ARHGEF3: variants seen among roughly 807,000 people sequenced by gnomAD.
ARHGEF3 encodes the protein 59.8 kDA protein.
ARHGEF3 carries 28 observed loss-of-function variants against 63.2 expected under a neutral mutation model. The ratio of observed to expected loss-of-function variants is 0.44; its 90% CI spans 0.33 to 0.61. ARHGEF3 has a LOEUF of 0.61. Among genes scored for constraint, ARHGEF3 ranks in the 20% least tolerant of loss-of-function variants. ARHGEF3 has a pLI of 0.03. For synonymous variants in ARHGEF3, 266 were observed against 254.2 expected (o/e 1.05, Z -0.44); for missense variants, 533 against 659.3 (o/e 0.81, Z 2.10).
chr3:57,072,409 T>C (rs980455926), intron 1 of ARHGEF3, among the ~76,000 whole-genome samples: 2 of 150,710 alleles, frequency 1.3e-5, no homozygotes, highest in African/African-American at 4.9e-5. Flanking sequence ...GGGAAAACAT[T>C]AGTTGTTAGC....
At chr3:56,929,834 A>T (rs566234087) in intron 3 of ARHGEF3, among the ~76,000 whole-genome samples, 2 of 150,864 alleles carry the variant, frequency 1.3e-5, no homozygotes, top group Admixed American at 6.6e-5. Flanking sequence ...TGTAGATGCT[A>T]TTAACTGAGG....
At chr3:56,932,225 G>T (rs1424980031) in intron 3 of ARHGEF3, among the ~76,000 whole-genome samples, 1 of 152,012 alleles carries the variant, frequency 6.6e-6, no homozygotes, top group East Asian at 1.9e-4. Flanking sequence ...TATGACTTCA[G>T]CTTTTTGTTC....
rs141701739 is a variant in ARHGEF3, at chr3:56,767,999, C to T, written c.204+5710G>A. Among the ~76,000 whole-genome samples, 2,075 of 152,052 alleles carry T rather than the reference C, an allele frequency of 0.014. 200 individuals are homozygous for T. The East Asian group carries it at 0.26, about 19-fold the overall frequency. On this transcript the variant is annotated intron_variant, in intron 2 of 9. Transcript: ENST00000296315. ...CTGACCTCAAGCGATCCACCTGCCC[C>T]GGCTTCCCAAAGTGCTGGGATTACA... is the stretch of plus-strand genomic sequence containing the variant.
At chr3:56,962,586 G>A (rs1700328282) in intron 2 of ARHGEF3, among the ~76,000 whole-genome samples, 1 of 152,222 alleles carries the variant, frequency 6.6e-6, no homozygotes, top group South Asian at 2.1e-4. Context: ...GGGATTCACA[G>A]GAAAGCCAGG....
At chr3:56,771,699 T>C (rs987900145) in intron 2 of ARHGEF3, among the ~76,000 whole-genome samples, 1 of 152,144 alleles carries the variant, frequency 6.6e-6, no homozygotes, top group Non-Finnish European at 1.5e-5. Flanking sequence ...TAATGCCTGA[T>C]GAGGATTCAC....
intron 4 of ARHGEF3, among the ~76,000 whole-genome samples, chr3:56,857,242 C>G (rs1049050942): frequency 1.3e-5 from 2 of 152,130 alleles, no homozygotes; most frequent in Admixed American, 1.3e-4. Flanking sequence ...GCCTTCCTAA[C>G]GTTGATTTCC....
chr3:56,867,539 C>T (rs2040294659), intron 4 of ARHGEF3, among the ~76,000 whole-genome samples: 1 of 152,096 alleles, frequency 6.6e-6, no homozygotes, highest in South Asian at 2.1e-4. Context: ...GTGGAGAAAT[C>T]ATGGCTCACT....
intron 6 of ARHGEF3, among the ~76,000 whole-genome samples, chr3:56,749,208 G>C (rs1178994567): frequency 1.3e-5 from 2 of 152,110 alleles, no homozygotes; most frequent in African/African-American, 4.8e-5. Context: ...CAAGATCCAA[G>C]TCCTCATTTG....
chr3:56,985,913 C>T (rs1701518595), intron 2 of ARHGEF3, among the ~76,000 whole-genome samples: 2 of 152,198 alleles, frequency 1.3e-5, no homozygotes, highest in Admixed American at 1.3e-4. Flanking sequence ...TCACCAGGGA[C>T]ACTCAGGGAG....
intron 2 of ARHGEF3, among the ~76,000 whole-genome samples, chr3:56,974,667 C>A (rs2106868611): frequency 6.6e-6 from 1 of 152,232 alleles, no homozygotes; most frequent in East Asian, 1.9e-4. Flanking sequence ...CCTCTCCCCT[C>A]CCCCTGCCCC....
In ARHGEF3 at chr3:56,882,337, GCT is replaced by G; in HGVS notation, c.145_146del (p.Ser49HisfsTer4). On this transcript the variant is annotated frameshift_variant, in exon 4 of 13. Coordinates refer to the ARHGEF3 transcript ENST00000338458. LOFTEE classifies it high-confidence loss of function. ...GGCTAACAGCATCTTCATCTTGGGT[GCT>G]CTGTTTCCGTTTTCGCTGCAAAACA... The G allele has an allele frequency of 2.6e-6, 4 of 1,551,748 alleles. No individual in the cohort carries two copies.
chr3:56,858,653 A>G (rs2039965844), intron 4 of ARHGEF3, among the ~76,000 whole-genome samples: 1 of 152,240 alleles, frequency 6.6e-6, no homozygotes, highest in Non-Finnish European at 1.5e-5. Flanking sequence ...GTTACCAGGA[A>G]TGGCCTTTGC....
At chr3:56,848,668 T>C (rs1010149649) in intron 4 of ARHGEF3, among the ~76,000 whole-genome samples, 2 of 152,148 alleles carry the variant, frequency 1.3e-5, no homozygotes, top group African/African-American at 4.8e-5. Context: ...TAAGACTTTA[T>C]TTGTTTATTT....
intron 2 of ARHGEF3, among the ~76,000 whole-genome samples, chr3:57,027,041 T>A (rs1442503022): frequency 6.6e-6 from 1 of 152,220 alleles, no homozygotes; most frequent in Non-Finnish European, 1.5e-5. Flanking sequence ...GCATGCATTC[T>A]GAGACCTCCT....
upstream of ARHGEF3, among the ~76,000 whole-genome samples, chr3:56,802,213 G>A (rs1274903351): frequency 2.0e-5 from 3 of 152,194 alleles, no homozygotes; most frequent in African/African-American, 7.2e-5. Flanking sequence ...AGCTCCTTTC[G>A]GGCTCTTTGG....
chr3:56,969,498 C>T (rs1024809717), intron 2 of ARHGEF3, among the ~76,000 whole-genome samples: 5 of 151,936 alleles, frequency 3.3e-5, no homozygotes, highest in East Asian at 1.9e-4. Flanking sequence ...AAGGGCCGGG[C>T]GCGGTGGCTC....
intron 2 of ARHGEF3, among the ~76,000 whole-genome samples, chr3:57,005,874 G>A (rs573057755): frequency 6.6e-5 from 10 of 152,330 alleles, no homozygotes; most frequent in East Asian, 1.9e-4. Context: ...TTTGCCAAAC[G>A]CTTTCTAGTG....
At chr3:56,758,709 A>G (rs1471146815) in intron 2 of ARHGEF3, among the ~76,000 whole-genome samples, 2 of 152,174 alleles carry the variant, frequency 1.3e-5, no homozygotes, top group African/African-American at 4.8e-5. Context: ...TGATCTCTTA[A>G]AAACAGTCCC....
chr3:57,038,789 C>T (rs1704063037), intron 1 of ARHGEF3, among the ~76,000 whole-genome samples: 1 of 152,206 alleles, frequency 6.6e-6, no homozygotes, highest in Non-Finnish European at 1.5e-5. Context: ...GACTCAGTGC[C>T]TCCTATTTAT....
Sources: allele counts gnomAD v4.1 joint callset (sites outside exome capture counted in the v4.1 genomes callset), GRCh38; gene constraint gnomAD v4.1.1; transcripts MANE v1.5; gene names NCBI Gene and HGNC (gene_info 2026-07-23, HGNC 2026-07-21).